CD2AP: variants seen among roughly 807,000 people sequenced by gnomAD.
CD2AP encodes the protein CD2 associated protein, also known as CD2-associated protein.
Under a neutral mutation model 85.1 loss-of-function variants are expected in CD2AP, and 46 were observed. The observed-to-expected ratio is 0.54, with a 90% CI of 0.43 to 0.69. The LOEUF is 0.69. Ranked by LOEUF, CD2AP falls within the 30% of genes least tolerant of loss-of-function variation. The pLI, the probability that CD2AP is intolerant of heterozygous loss-of-function variation, is 0.00. For missense variants in CD2AP, 769 were observed against 729.5 expected (o/e 1.05, Z -0.62); for synonymous variants, 255 against 252.9 (o/e 1.01, Z -0.08).
intron 2 of CD2AP, among the ~76,000 whole-genome samples, chr6:47,514,007 T>A (rs377091187): frequency 2.7e-4 from 41 of 152,252 alleles, no homozygotes; most frequent in African/African-American, 9.9e-4. Flanking sequence ...GTGTACAGCT[T>A]GTTCAGGATA....
intron 11 of CD2AP, among the ~76,000 whole-genome samples, chr6:47,585,713 T>C (rs1768609531): frequency 7.5e-6 from 1 of 133,956 alleles, no homozygotes; most frequent in African/African-American, 2.8e-5. Flanking sequence ...TGCCTGAATA[T>C]TGATCTACAC....
intron 5 of CD2AP, among the ~76,000 whole-genome samples, chr6:47,571,890 A>G (rs1768164927): frequency 6.6e-6 from 1 of 152,212 alleles, no homozygotes; most frequent in South Asian, 2.1e-4. Flanking sequence ...ACTAATGTGC[A>G]AATAACTTAC....
In CD2AP at chr6:47,609,479, C is replaced by G. The variant is rs563603123; in HGVS notation, c.1814+175C>G. The G allele has an allele frequency of 6.4e-6, 3 of 467,674 alleles. No homozygotes were observed. In the East Asian group the frequency reaches 1.0e-4, roughly 16 times the overall value. The allele number at this position is 467,674 out of a possible 1,614,324, so 29.0% of individuals were successfully genotyped here. A position where few individuals can be genotyped will look rare whatever the true frequency, so the allele number is the denominator to read the frequency against. ...ATTGCTTGAGTCCAGGAGTTCGAGA[C>G]CAGCCTGGACGACATGACAAAACCC... On this transcript the variant is annotated intron_variant, in intron 16 of 17. Transcript: ENST00000359314.
chr6:47,545,794 T>A (rs766743624), intron 4 of CD2AP, among the ~76,000 whole-genome samples: 1 of 152,014 alleles, frequency 6.6e-6, no homozygotes, highest in Non-Finnish European at 1.5e-5. Flanking sequence ...GGAAGCCACA[T>A]CCCTAGGAAA....
intron 4 of CD2AP, among the ~76,000 whole-genome samples, chr6:47,553,254 A>G (rs2114060127): frequency 6.6e-6 from 1 of 152,286 alleles, no homozygotes; most frequent in East Asian, 1.9e-4. Context: ...ACAATTAAAA[A>G]TATTTTAAAC....
chr6:47,517,923 C>T (rs889761996), intron 2 of CD2AP, among the ~76,000 whole-genome samples: 15 of 152,062 alleles, frequency 9.9e-5, no homozygotes, highest in African/African-American at 3.4e-4. Context: ...ACTTCGCTTA[C>T]TAAATTTAAT....
Position 47,566,323 on chromosome 6 carries a change from T to TATATATATATATATATATACACAC in CD2AP, c.542-7740_542-7739insTATATATATATATATATACACACA. Among the ~76,000 whole-genome samples the TATATATATATATATATATACACAC allele has an allele frequency of 9.7e-3, 1,044 of 107,962 alleles. 28 individuals carry two copies. The highest frequency in any genetic ancestry group is 0.012 in the African/African-American group (399 of 34,226). The allele number at this position is 107,962 out of a possible 152,430, so 70.8% of individuals were successfully genotyped here. On this transcript the variant is annotated intron_variant, in intron 5 of 17. Transcript: ENST00000359314. ...TAGAATATATATATATATATATATA[T>TATATATATATATATATATACACAC]ACACATACACATATATATATATGTA...
chr6:47,482,204 C>G (rs973737805), intron 1 of CD2AP, among the ~76,000 whole-genome samples: 2 of 152,148 alleles, frequency 1.3e-5, no homozygotes, highest in Non-Finnish European at 2.9e-5. Context: ...AAAGTTGAAT[C>G]ACTGGCAAAA....
At chr6:47,571,649 A>G (rs538839979) in intron 5 of CD2AP, among the ~76,000 whole-genome samples, 123 of 152,298 alleles carry the variant, frequency 8.1e-4, no homozygotes, top group Non-Finnish European at 1.3e-3. Context: ...CTGTGAATGC[A>G]TACAGTGAAA....
chr6:47,544,673 G>A lies in CD2AP; in HGVS notation c.387G>A (p.Leu129=), dbSNP rs754500835. Residue 129 remains leucine, a synonymous_variant, in exon 4 of 18, where the codon CTG becomes CTA. Transcript: ENST00000359314. ...CACAAAATGAGGATGAACTGGAGCT[G>A]AAAGTGGGAGATATTATTGATATTA... The part of the protein sequence containing the change: ...YIPQNEDELE[L]KVGDIIDINE... 3.7e-6 allele frequency: 6 copies of A among 1,611,498 alleles called. No homozygotes were observed. The South Asian group carries it at 4.4e-5, about 12-fold the overall frequency.
At chr6:47,491,197 G>T (rs1014183165) in intron 1 of CD2AP, among the ~76,000 whole-genome samples, 7 of 151,688 alleles carry the variant, frequency 4.6e-5, no homozygotes, top group Non-Finnish European at 8.8e-5. Context: ...CTTTTTGTTT[G>T]TGGTAAGAAA....
intron 1 of CD2AP, among the ~76,000 whole-genome samples, 174 bp downstream of exon 1, chr6:47,478,422 C>T (rs1765361747): frequency 6.6e-6 from 1 of 152,160 alleles, no homozygotes; most frequent in Non-Finnish European, 1.5e-5. Flanking sequence ...TTGCTCTTCT[C>T]ACGGAGAAAC....
chr6:47,593,220 C>T (rs1220141662), intron 11 of CD2AP, among the ~76,000 whole-genome samples: 1 of 152,004 alleles, frequency 6.6e-6, no homozygotes, highest in Non-Finnish European at 1.5e-5. Flanking sequence ...TCACAAAAAG[C>T]ATATTTAACC....
intron 2 of CD2AP, 120 bp downstream of exon 2, chr6:47,503,560 T>A: frequency 2.1e-6 from 2 of 939,106 alleles, no homozygotes; most frequent in Non-Finnish European, 3.3e-6. Context: ...TTGTAACATT[T>A]AAGAAAATAG....
chr6:47,622,451 T>A (rs569610699), intron 17 of CD2AP, among the ~76,000 whole-genome samples: 1 of 68,896 alleles, frequency 1.5e-5, no homozygotes, highest in African/African-American at 3.8e-5. Flanking sequence ...GCCCTCCCTA[T>A]GGATCCCTGT....
At chr6:47,488,055 CTCTT>C (rs1582466300) in intron 1 of CD2AP, among the ~76,000 whole-genome samples, 1 of 123,618 alleles carries the variant, frequency 8.1e-6, no homozygotes, top group African/African-American at 3.1e-5. Context: ...AAGAAATAAA[CTCTT>C]TAATTCTTTC....
chr6:47,517,581 C>T (rs1322330355), intron 2 of CD2AP, among the ~76,000 whole-genome samples: 3 of 152,112 alleles, frequency 2.0e-5, no homozygotes, highest in Non-Finnish European at 2.9e-5. Flanking sequence ...TAAGCCACCG[C>T]GCCTGGCCCT....
chr6:47,509,687 A>T (rs1163259131), intron 2 of CD2AP, among the ~76,000 whole-genome samples: 1 of 152,238 alleles, frequency 6.6e-6, no homozygotes, highest in Admixed American at 6.5e-5. Flanking sequence ...AACTGAAGTC[A>T]GAATAACTGG....
intron 1 of CD2AP, among the ~76,000 whole-genome samples, chr6:47,485,469 A>G (rs1171392752): frequency 6.6e-6 from 1 of 152,232 alleles, no homozygotes; most frequent in African/African-American, 2.4e-5. Flanking sequence ...CAACTATACA[A>G]TGTGTTGGTG....
Sources: allele counts gnomAD v4.1 joint callset (sites outside exome capture counted in the v4.1 genomes callset), GRCh38; gene constraint gnomAD v4.1.1; transcripts MANE v1.5; gene names NCBI Gene and HGNC (gene_info 2026-07-23, HGNC 2026-07-21).